MYH11: variants seen among roughly 807,000 people sequenced by gnomAD.
MYH11 encodes the protein myosin-11.
Under a neutral mutation model 246.6 loss-of-function variants are expected in MYH11, and 80 were observed. The ratio of observed to expected loss-of-function variants is 0.32; its 90% CI spans 0.27 to 0.39. MYH11 has a LOEUF of 0.39. MYH11 is among the 10% of genes least tolerant of loss of function. MYH11 has a pLI of 1.00. For synonymous variants in MYH11, 1,071 were observed against 1,015.5 expected (o/e 1.05, Z -1.04); for missense variants, 2,158 against 2,546.8 (o/e 0.85, Z 3.29).
chr16:15,761,228 A>C (rs555621885), intron 10 of MYH11, among the ~76,000 whole-genome samples: 1 of 151,912 alleles, frequency 6.6e-6, no homozygotes, highest in African/African-American at 2.4e-5. Context: ...CTCCTGCCTC[A>C]GCCTCCCGAG....
At position 15,777,424 on chromosome 16, in the gene MYH11, ATG is replaced by A. The variant is rs1275060354; in HGVS notation, c.791-1250_791-1249del. On this transcript the variant is annotated intron_variant, in intron 7 of 40. Transcript: ENST00000300036. ...GCGTGAACCACCGTGCCTGGCTGAG[ATG>A]TGTGTTTCTAAAGAGCTCCCAAGTG... 2.6e-5 allele frequency among the ~76,000 whole-genome samples: 4 copies of A among 152,264 alleles called. No individual in the cohort carries two copies. In the East Asian group the frequency reaches 7.7e-4, roughly 29 times the overall value.
In MYH11 at chr16:15,774,919, C is replaced by G. The variant is rs1472167366; in HGVS notation, c.889+1159G>C. 2.6e-5 allele frequency among the ~76,000 whole-genome samples: 4 copies of G among 152,292 alleles called. No individual in the cohort carries two copies. The East Asian group carries it at 7.7e-4, about 29-fold the overall frequency. On this transcript the variant is annotated intron_variant, in intron 8 of 40. Transcript: ENST00000300036. ...ATTTAAATAATGGATAATGCCACCCCCTAGTAGCTGAGGTCTACAATACAC... is the reference window on the plus strand; with the variant it reads ...ATTTAAATAATGGATAATGCCACCCGCTAGTAGCTGAGGTCTACAATACAC...
At chr16:15,837,791 T>C in intron 2 of MYH11, 117 bp downstream of exon 2, 1 of 933,044 alleles carries the variant, frequency 1.1e-6, no homozygotes, top group Non-Finnish European at 1.7e-6. Context: ...CACCTCGGCC[T>C]CCCAAAGTGC....
chr16:15,811,941 C>T (rs191751399), intron 3 of MYH11, among the ~76,000 whole-genome samples: 53 of 152,244 alleles, frequency 3.5e-4, no homozygotes, highest in Non-Finnish European at 3.4e-4. Context: ...TGCTTTCCTG[C>T]CCCTCCTACA....
In MYH11 at chr16:15,747,842, T is replaced by G. The variant is rs755294583; in HGVS notation, c.2250+32A>C. The G allele has an allele frequency of 7.4e-6, 12 of 1,611,326 alleles. No individual in the cohort carries two copies. In the South Asian group the frequency reaches 8.8e-5, roughly 12 times the overall value. Reference sequence around the variant, plus strand: ...GCAGCAGGTGGCTTGCGGCCAGAGGTTGGGAGGTCTCTGGTGGACTTCTGG... The same window carrying G: ...GCAGCAGGTGGCTTGCGGCCAGAGGGTGGGAGGTCTCTGGTGGACTTCTGG... On this transcript the variant is annotated intron_variant, in intron 18 of 40. Coordinates refer to ENST00000300036, the MANE Select transcript of MYH11 (RefSeq NM_002474.3).
chr16:15,849,499 T>C (rs1033669235), intron 1 of MYH11, among the ~76,000 whole-genome samples: 8 of 152,114 alleles, frequency 5.3e-5, no homozygotes, highest in South Asian at 2.1e-4. Context: ...TAGAGTGAAG[T>C]GGCGCGATCT....
chr16:15,756,256 G>T, intron 14 of MYH11, 85 bp downstream of exon 14: 2 of 1,487,180 alleles, frequency 1.3e-6, no homozygotes, highest in Non-Finnish European at 1.9e-6. Flanking sequence ...GCAGCCCAAG[G>T]TTCTGCCACT....
chr16:15,771,781 T>G, intron 8 of MYH11, 69 bp from the exon 9 acceptor site: 6 of 1,580,246 alleles, frequency 3.8e-6, no homozygotes, highest in Non-Finnish European at 5.2e-6. Flanking sequence ...GACCGAGATC[T>G]GGTCAAGGGT....
intron 8 of MYH11, among the ~76,000 whole-genome samples, chr16:15,775,364 T>G (rs193154518): frequency 6.6e-6 from 1 of 152,120 alleles, no homozygotes. Flanking sequence ...CTATGTTCAT[T>G]GGTTTATGTG....
chr16:15,854,382 A>T (rs768912584), intron 1 of MYH11, among the ~76,000 whole-genome samples: 2 of 152,210 alleles, frequency 1.3e-5, no homozygotes, highest in Non-Finnish European at 2.9e-5. Flanking sequence ...CATGAGGGTA[A>T]TCTGTGAAAC....
intron 40 of MYH11, among the ~76,000 whole-genome samples, chr16:15,707,896 CA>C (rs1416704620): frequency 1.3e-5 from 2 of 150,398 alleles, no homozygotes; most frequent in African/African-American, 4.9e-5. Flanking sequence ...CGCTTGAACC[CA>C]GGAGGCAAAG....
At chr16:15,733,811 G>T (rs1208344068) in intron 26 of MYH11, among the ~76,000 whole-genome samples, 1 of 152,194 alleles carries the variant, frequency 6.6e-6, no homozygotes, top group Non-Finnish European at 1.5e-5. Context: ...CCAAAGTGCT[G>T]GGATTACAGG....
In MYH11 at chr16:15,747,939, C is replaced by G; in HGVS notation, c.2185G>C (p.Glu729Gln). The G allele has an allele frequency of 6.2e-7, 1 of 1,614,084 alleles. No homozygotes were observed. The highest frequency in any genetic ancestry group is 1.7e-5 in the Admixed American group (1 of 59,996). The stretch of plus-strand genomic sequence containing the variant: ...GGGATGGCATTCGCCGCCAGGATCT[C>G]GTAGCTTGAAACACAGAGCAGAAGT... ...IVFQEFRQRY[E>Q]ILAANAIPKG... The change falls in exon 18 of 41, where the codon GAG becomes CAG. Residue 729 changes from glutamate to glutamine, a missense_variant. Physicochemically the swap from Glu to Gln is conservative, Grantham distance 29. Transcript: ENST00000300036.
intron 25 of MYH11, among the ~76,000 whole-genome samples, chr16:15,736,190 G>T (rs1025799474): frequency 1.3e-5 from 2 of 152,224 alleles, no homozygotes; most frequent in South Asian, 2.1e-4. Flanking sequence ...TTGGGTTGGG[G>T]TGAGACTGCA....
At position 15,721,618 on chromosome 16, in the gene MYH11, T is replaced by C; in HGVS notation, c.4382A>G (p.Lys1461Arg). ...ATCCGCGTATTTGGAAGAGATGTTT[T>C]TCTCCTCGGCTAACAACTACAACAC... ...RKFDQLLAEEKNISSKYADER... is the reference protein window; with the variant it reads ...RKFDQLLAEERNISSKYADER... Residue 1461 changes from lysine (K) to arginine (R), a missense_variant, in exon 32 of 41, where the codon AAA becomes AGA. This residue lies in a region of MYH11 where 1,013 missense variants were observed against 993.5 expected (regional missense o/e 1.02). Transcript: ENST00000300036. 6.2e-7 allele frequency: 1 copy of C among 1,614,204 alleles called. No individual in the cohort carries two copies. Among genetic ancestry groups the C allele is most frequent in the Non-Finnish European group, 8.5e-7 (1 of 1,180,040 alleles).
At chr16:15,796,956 A>G (rs2042755192) in intron 4 of MYH11, among the ~76,000 whole-genome samples, 1 of 152,174 alleles carries the variant, frequency 6.6e-6, no homozygotes. Flanking sequence ...AAATGTGTAC[A>G]TCCTACCATG....
At chr16:15,813,923 G>A (rs1027367889) in intron 3 of MYH11, among the ~76,000 whole-genome samples, 1 of 151,916 alleles carries the variant, frequency 6.6e-6, no homozygotes, top group African/African-American at 2.4e-5. Context: ...GGGAGGCTGA[G>A]GTGAGTGGAT....
chr16:15,794,167 C>T (rs948489355), intron 4 of MYH11, among the ~76,000 whole-genome samples: 107 of 151,412 alleles, frequency 7.1e-4, no homozygotes, highest in African/African-American at 2.5e-3. Flanking sequence ...AGGATGGTCT[C>T]GAACTCCTGA....
chr16:15,838,881 A>G (rs1010182575), intron 1 of MYH11, among the ~76,000 whole-genome samples: 1 of 149,230 alleles, frequency 6.7e-6, no homozygotes, highest in Non-Finnish European at 1.5e-5. Context: ...AAAAAGAAGA[A>G]GAAGCCGGAA....
Sources: gnomAD v4.1 joint callset for allele counts (sites outside exome capture counted in the v4.1 genomes callset) on GRCh38, gnomAD v4.1.1 for gene constraint, gnomAD v4.1.1 regional missense constraint, MANE v1.5 for transcripts, NCBI Gene and HGNC (gene_info 2026-07-23, HGNC 2026-07-21) for gene names.